RGS5: variants seen among roughly 807,000 people sequenced by gnomAD.
The protein encoded by RGS5 is regulator of G protein signaling 5, also known as regulator of G-protein signalling 5.
In RGS5, 20 loss-of-function variants were observed where a neutral mutation model predicts 18.9. That is an observed-to-expected ratio of 1.06 (90% confidence interval 0.74 to 1.54). The LOEUF (loss-of-function observed/expected upper bound fraction) is 1.54. Ranked by LOEUF, RGS5 falls within the 40% of genes most tolerant of loss-of-function variation. RGS5 has a pLI of 0.00. For missense variants in RGS5, 201 were observed against 211.8 expected (o/e 0.95, Z 0.32); for synonymous variants, 57 against 76.2 (o/e 0.75, Z 1.31).
intron 2 of RGS5, among the ~76,000 whole-genome samples, chr1:163,276,756 A>G (rs1392642364): frequency 6.6e-6 from 1 of 152,222 alleles, no homozygotes; most frequent in Non-Finnish European, 1.5e-5. Context: ...CACCCTGGCA[A>G]TGCTACAAGA....
At chr1:163,254,367 A>G (rs1648208613) in intron 2 of RGS5, among the ~76,000 whole-genome samples, 2 of 152,000 alleles carry the variant, frequency 1.3e-5, no homozygotes, top group South Asian at 4.2e-4. Flanking sequence ...ATGGTATCTC[A>G]TTGTGGTTTT....
At chr1:163,315,073 T>C (rs1649984170) in intron 1 of RGS5, among the ~76,000 whole-genome samples, 1 of 152,174 alleles carries the variant, frequency 6.6e-6, no homozygotes, top group Admixed American at 6.5e-5. Flanking sequence ...GATGTACTAA[T>C]ATCTCAGAAA....
At chr1:163,269,641 T>C (rs1000535237) in intron 2 of RGS5, among the ~76,000 whole-genome samples, 2 of 152,180 alleles carry the variant, frequency 1.3e-5, no homozygotes, top group Non-Finnish European at 2.9e-5. Flanking sequence ...ATTTAATATA[T>C]GAAGAGAAAC....
At chr1:163,320,646 C>G (rs1485580045) in intron 1 of RGS5, among the ~76,000 whole-genome samples, 2 of 152,196 alleles carry the variant, frequency 1.3e-5, no homozygotes, top group African/African-American at 4.8e-5. Flanking sequence ...GCTTTCCTCA[C>G]TGACTCTAAT....
Position 163,150,787 on chromosome 1 carries a change from A to T in RGS5, c.384+1763T>A, listed in dbSNP as rs1275872003. Among the ~76,000 whole-genome samples the T allele has an allele frequency of 2.0e-5, 3 of 152,206 alleles. No homozygotes were observed. The East Asian group carries it at 5.8e-4, about 29-fold the overall frequency. On this transcript the variant is annotated intron_variant, in intron 4 of 4. Transcript: ENST00000313961. ...GGAGGAAGCACATCTACTAGTATCA[A>T]GGTACATAATTTGTCCATCCACTCA...
chr1:163,159,819 C>CAT (rs1478209057), intron 3 of RGS5, among the ~76,000 whole-genome samples: 3 of 152,058 alleles, frequency 2.0e-5, no homozygotes, highest in African/African-American at 7.2e-5. Context: ...CATATATACA[C>CAT]ATATATAATT....
At chr1:163,232,246 A>C (rs1260589188) in intron 2 of RGS5, among the ~76,000 whole-genome samples, 1 of 152,168 alleles carries the variant, frequency 6.6e-6, no homozygotes. Flanking sequence ...AAGTAGAAGC[A>C]ATTTTCTGAA....
chr1:163,198,450 T>C (rs2101657023), intron 1 of RGS5, among the ~76,000 whole-genome samples: 1 of 152,276 alleles, frequency 6.6e-6, no homozygotes, highest in East Asian at 1.9e-4. Flanking sequence ...TTTAGATTTT[T>C]GAGACTATTG....
intron 2 of RGS5, among the ~76,000 whole-genome samples, chr1:163,163,254 G>A (rs1273206733): frequency 6.6e-6 from 1 of 152,146 alleles, no homozygotes; most frequent in Non-Finnish European, 1.5e-5. Context: ...TGTGAGTCCT[G>A]ATTATATGAT....
chr1:163,290,736 A>G (rs564026981), intron 2 of RGS5, among the ~76,000 whole-genome samples: 1 of 152,238 alleles, frequency 6.6e-6, no homozygotes, highest in South Asian at 2.1e-4. Flanking sequence ...CAGATTTCAA[A>G]TATCAGAAAA....
chr1:163,217,664 G>C, upstream of RGS5: 1 of 1,493,088 alleles, frequency 6.7e-7, no homozygotes, highest in Non-Finnish European at 8.9e-7. Flanking sequence ...CTTAGAATTT[G>C]TTTTGGGAAA....
chr1:163,245,816 A>T (rs1022022844), intron 2 of RGS5, among the ~76,000 whole-genome samples: 1 of 152,260 alleles, frequency 6.6e-6, no homozygotes, highest in South Asian at 2.1e-4. Flanking sequence ...TAGCTTAAAA[A>T]TAAACTCGTT....
At chr1:163,180,884 CG>C (rs1658810079) in intron 1 of RGS5, among the ~76,000 whole-genome samples, 1 of 151,634 alleles carries the variant, frequency 6.6e-6, no homozygotes, top group South Asian at 2.1e-4. Flanking sequence ...TTAGTAGAGA[CG>C]GGGTTACACC....
intron 1 of RGS5, chr1:163,217,490 A>T: frequency 2.0e-6 from 3 of 1,500,290 alleles, no homozygotes; most frequent in Non-Finnish European, 2.7e-6. Flanking sequence ...ATAACATTAA[A>T]GAAAACCATT....
chr1:163,216,014 C>T (rs1402791576), intron 1 of RGS5, among the ~76,000 whole-genome samples: 1 of 152,140 alleles, frequency 6.6e-6, no homozygotes, highest in Non-Finnish European at 1.5e-5. Flanking sequence ...AGGCAGAAGT[C>T]ATGTAATGAA....
chr1:163,258,892 G>A (rs572227994), intron 2 of RGS5, among the ~76,000 whole-genome samples: 1 of 151,970 alleles, frequency 6.6e-6, no homozygotes, highest in Non-Finnish European at 1.5e-5. Context: ...GCGCAGGCTG[G>A]TCTTGAATTC....
intron 2 of RGS5, among the ~76,000 whole-genome samples, chr1:163,166,117 G>A (rs112001638): frequency 2.4e-4 from 30 of 123,560 alleles, no homozygotes; most frequent in Admixed American, 1.3e-3. Flanking sequence ...ATAGAAGCAG[G>A]AGAGAAAGGC....
chr1:163,177,863 G>A (rs1197213400), intron 1 of RGS5, among the ~76,000 whole-genome samples: 1 of 152,198 alleles, frequency 6.6e-6, no homozygotes, highest in East Asian at 1.9e-4. Context: ...TGAGGGAGTT[G>A]TGTTGTGACG....
At chr1:163,224,993 T>C (rs1647302652) in intron 2 of RGS5, among the ~76,000 whole-genome samples, 2 of 152,144 alleles carry the variant, frequency 1.3e-5, no homozygotes, top group South Asian at 4.1e-4. Flanking sequence ...CGTCACTCTG[T>C]TGATTGCTTT....
Sources: allele counts gnomAD v4.1 joint callset (sites outside exome capture counted in the v4.1 genomes callset), GRCh38; gene constraint gnomAD v4.1.1; transcripts MANE v1.5; gene names NCBI Gene and HGNC (gene_info 2026-07-23, HGNC 2026-07-21).